Variants in PCDHGB5 observed in about 807,000 individuals in gnomAD.
PCDHGB5 encodes the protein protocadherin gamma subfamily B, 5, also known as protocadherin gamma-B5.
Under a neutral mutation model 62.9 loss-of-function variants are expected in PCDHGB5, and 48 were observed. The observed-to-expected ratio is 0.76, with a 90% confidence interval of 0.61 to 0.97. The LOEUF is 0.97. Among genes scored for constraint, PCDHGB5 ranks in the 50% least tolerant of loss-of-function variants. The pLI is 0.00. For synonymous variants in PCDHGB5, 474 were observed against 511.2 expected, an observed-to-expected ratio of 0.93 and a Z score of 0.98; for missense variants, 1,118 against 1,198.6, an observed-to-expected ratio of 0.93 and a Z score of 0.99.
chr5:141,448,338 T>A (rs1053822287), intron 1 of PCDHGB5, among the ~76,000 whole-genome samples: 1 of 152,192 alleles, frequency 6.6e-6, no homozygotes, highest in African/African-American at 2.4e-5. Context: ...TATAGCCATG[T>A]ACCTCAATCT....
At chr5:141,409,013 G>T in intron 1 of PCDHGB5, 1 of 1,613,998 alleles carries the variant, frequency 6.2e-7, no homozygotes. Flanking sequence ...TGACCAGGAT[G>T]AGGGGGTCAA....
At chr5:141,503,023 A>AAT (rs2099817696) in intron 2 of PCDHGB5, among the ~76,000 whole-genome samples, 1 of 141,888 alleles carries the variant, frequency 7.0e-6, no homozygotes, top group African/African-American at 2.6e-5. Context: ...TTTTTTTTTT[A>AAT]ATATCTATTT....
chr5:141,429,390 A>ATT (rs1561841316), intron 1 of PCDHGB5, among the ~76,000 whole-genome samples: 8 of 150,216 alleles, frequency 5.3e-5, no homozygotes, highest in African/African-American at 1.7e-4. Flanking sequence ...TTTTTTTTAA[A>ATT]AAAAATTGAG....
At chr5:141,461,422 C>A (rs2099015157) in intron 1 of PCDHGB5, among the ~76,000 whole-genome samples, 1 of 151,930 alleles carries the variant, frequency 6.6e-6, no homozygotes, top group African/African-American at 2.4e-5. Flanking sequence ...TGTTTGTGGG[C>A]CATTTGTATA....
intron 1 of PCDHGB5, chr5:141,410,037 G>A: frequency 1.2e-6 from 2 of 1,613,250 alleles, no homozygotes; most frequent in Non-Finnish European, 1.7e-6. Flanking sequence ...CTGCAGGCCA[G>A]TGAGCCCGGA....
In PCDHGB5 at chr5:141,486,866, G is replaced by A; in HGVS notation, c.2398-7941G>A. Reference sequence around the variant, plus strand: ...GGACCTCAATGACAATGCTCCAGCTGTGCTCCGTCCTCGGGCCCGGCCTGG... The same window carrying A: ...GGACCTCAATGACAATGCTCCAGCTATGCTCCGTCCTCGGGCCCGGCCTGG... On this transcript the variant is annotated intron_variant, in intron 1 of 3. Transcript: ENST00000617380. The surrounding 1 kb of genome is among the most constrained non-coding windows in gnomAD (Gnocchi z 5.0). 6.2e-7 allele frequency: 1 copy of A among 1,614,202 alleles called. No homozygotes were observed. The highest frequency in any genetic ancestry group is 8.5e-7 in the Non-Finnish European group (1 of 1,180,038).
intron 1 of PCDHGB5, chr5:141,402,902 G>GA: frequency 6.6e-7 from 1 of 1,522,022 alleles, no homozygotes; most frequent in Non-Finnish European, 8.8e-7. Flanking sequence ...AGAACCTGAT[G>GA]AAGCAGCGCG....
intron 3 of PCDHGB5, among the ~76,000 whole-genome samples, chr5:141,509,732 C>T (rs931066969): frequency 3.9e-5 from 6 of 152,182 alleles, no homozygotes; most frequent in Non-Finnish European, 5.9e-5. Flanking sequence ...CTAGCTGTGG[C>T]ACTCTGAGCC....
intron 1 of PCDHGB5, chr5:141,426,648 A>G (rs1224402025): frequency 2.4e-6 from 1 of 418,088 alleles, no homozygotes; most frequent in Non-Finnish European, 4.9e-6. Flanking sequence ...AAATGTGATG[A>G]TAGAAGATAT....
intron 1 of PCDHGB5, chr5:141,414,983 G>C: frequency 6.2e-7 from 1 of 1,613,716 alleles, no homozygotes; most frequent in Non-Finnish European, 8.5e-7. Context: ...AGAGACTCCG[G>C]CCAGAACGCC....
chr5:141,477,263 G>A lies in PCDHGB5; in HGVS notation c.2398-17544G>A, dbSNP rs543767777. 1.4e-5 allele frequency: 23 copies of A among 1,614,192 alleles called. No individual in the cohort carries two copies. The highest frequency in any genetic ancestry group is 1.8e-5 in the Non-Finnish European group (21 of 1,180,046). On this transcript the variant is annotated intron_variant, in intron 1 of 3. Transcript: ENST00000617380. The surrounding 1 kb of genome is among the most constrained non-coding windows in gnomAD (Gnocchi z 4.9). The stretch of plus-strand genomic sequence containing the variant: ...CAGTGTGACTGACCTGGATGCTGGC[G>A]AGAACGGGCTGGTGACCTGCGAAGT...
chr5:141,415,848 A>C (rs1222834072), intron 1 of PCDHGB5: 1 of 1,241,178 alleles, frequency 8.1e-7, no homozygotes, highest in Non-Finnish European at 1.0e-6. Context: ...GCTTTGCAGA[A>C]CCTTGTAGTT....
At chr5:141,448,316 T>G (rs1042171540) in intron 1 of PCDHGB5, among the ~76,000 whole-genome samples, 2 of 152,174 alleles carry the variant, frequency 1.3e-5, no homozygotes, top group Admixed American at 1.3e-4. Context: ...AGGAATCTTT[T>G]CTTTGAATCT....
chr5:141,400,566 A>G (rs754437274), intron 1 of PCDHGB5, 42 bp downstream of exon 1: 94 of 1,612,572 alleles, frequency 5.8e-5, no homozygotes, highest in Non-Finnish European at 7.7e-5. Flanking sequence ...TACCCACCCA[A>G]TTTTCTGTAT....
intron 1 of PCDHGB5, among the ~76,000 whole-genome samples, chr5:141,462,105 G>A (rs2099031983): frequency 6.6e-6 from 1 of 152,170 alleles, no homozygotes; most frequent in South Asian, 2.1e-4. Flanking sequence ...TTACAGGCAT[G>A]AGCCACTGCA....
Position 141,431,303 on chromosome 5 carries a change from G to A in PCDHGB5, c.2397+30779G>A, listed in dbSNP as rs777784010. 2 of 1,613,942 alleles carry A rather than the reference G, an allele frequency of 1.2e-6. No homozygotes were observed. The highest frequency in any genetic ancestry group is 2.7e-5 in the African/African-American group (2 of 74,916). ...CCCGAACACTCACTTCTCCCTCATC[G>A]TGCAAAATGGAGCCGACGGTAGTAA... On this transcript the variant is annotated intron_variant, in intron 1 of 3. Transcript: ENST00000617380. The surrounding 1 kb of genome is among the most constrained non-coding windows in gnomAD (Gnocchi z 4.8).
chr5:141,452,387 G>A (rs1052689230), intron 1 of PCDHGB5, among the ~76,000 whole-genome samples: 5 of 152,146 alleles, frequency 3.3e-5, no homozygotes, highest in African/African-American at 1.2e-4. Context: ...ATAGTATTTA[G>A]AAACTAAGAT....
At chr5:141,423,679 C>T in intron 1 of PCDHGB5, 2 of 1,487,594 alleles carry the variant, frequency 1.3e-6, no homozygotes, top group South Asian at 1.3e-5. Context: ...TATTTCTCTG[C>T]CTCCTAATTG....
intron 1 of PCDHGB5, 68 bp downstream of exon 1, chr5:141,400,592 G>A: frequency 3.7e-6 from 6 of 1,603,194 alleles, no homozygotes; most frequent in Non-Finnish European, 5.1e-6. Flanking sequence ...TGAAACTATC[G>A]TACATTTTCA....
Sources: allele counts gnomAD v4.1 joint callset (sites outside exome capture counted in the v4.1 genomes callset), GRCh38; gene constraint gnomAD v4.1.1; non-coding constraint Gnocchi (gnomAD v3.1); transcripts MANE v1.5; gene names NCBI Gene and HGNC (gene_info 2026-07-23, HGNC 2026-07-21).